TNPO3: variants seen among roughly 807,000 people sequenced by gnomAD.
TNPO3 encodes the protein transportin-3.
TNPO3 carries 65 observed loss-of-function variants against 122.8 expected under a neutral mutation model. That is an observed-to-expected ratio of 0.53 (90% confidence interval 0.43 to 0.65). The LOEUF is 0.65. TNPO3 is among the 30% of genes least tolerant of loss of function. TNPO3 has a pLI of 0.00. For missense variants in TNPO3, 850 were observed against 1,136.7 expected (o/e 0.75, Z 3.63); for synonymous variants, 372 against 411.2 (o/e 0.90, Z 1.15).
intron 21 of TNPO3, among the ~76,000 whole-genome samples, chr7:128,966,897 T>C (rs1797975439): frequency 6.6e-6 from 1 of 152,234 alleles, no homozygotes; most frequent in African/African-American, 2.4e-5. Context: ...CATCACTTTC[T>C]GATGTTTTAT....
chr7:128,993,057 T>C lies in TNPO3; in HGVS notation c.1266+750A>G, dbSNP rs115037382. Among the ~76,000 whole-genome samples the C allele has an allele frequency of 1.5e-3, 234 of 151,634 alleles. 1 individual carries two copies. The highest frequency in any genetic ancestry group is 5.5e-3 in the African/African-American group (226 of 41,276). On this transcript the variant is annotated intron_variant, in intron 9 of 22. Coordinates refer to ENST00000265388, the MANE Select transcript of TNPO3 (RefSeq NM_012470.4). ...GTCAATAAGCATGCTTTGCTTAATA[T>C]AATGAAAATAGTTATACTTTTATTA...
chr7:128,975,708 C>G (rs1798981731), intron 17 of TNPO3, 111 bp downstream of exon 17: 1 of 715,214 alleles, frequency 1.4e-6, no homozygotes, highest in African/African-American at 1.8e-5. Context: ...ATCAACATGC[C>G]TGGGGGAAAA....
chr7:129,021,998 C>T (rs1804573911), intron 1 of TNPO3, among the ~76,000 whole-genome samples: 1 of 151,788 alleles, frequency 6.6e-6, no homozygotes, highest in African/African-American at 2.4e-5. Flanking sequence ...AAATATTGAA[C>T]ATAGGCAAAT....
chr7:128,992,155 CA>C, intron 9 of TNPO3, 65 bp from the exon 10 acceptor site: 5 of 884,410 alleles, frequency 5.7e-6, no homozygotes, highest in Non-Finnish European at 3.5e-6. Flanking sequence ...ACAAACAAAA[CA>C]AAAAATCCAG....
chr7:129,023,519 TAC>T (rs2150460870), intron 1 of TNPO3, among the ~76,000 whole-genome samples: 1 of 152,128 alleles, frequency 6.6e-6, no homozygotes, highest in East Asian at 1.9e-4. Flanking sequence ...CAATATTAAA[TAC>T]ACAAGATGGG....
chr7:129,023,014 T>G (rs756908690), intron 1 of TNPO3, among the ~76,000 whole-genome samples: 18 of 152,160 alleles, frequency 1.2e-4, no homozygotes, highest in Non-Finnish European at 2.2e-4. Context: ...AGATACAGTG[T>G]GGAAGAAAGG....
chr7:129,015,505 T>C (rs1364153204), intron 3 of TNPO3, among the ~76,000 whole-genome samples: 2 of 152,194 alleles, frequency 1.3e-5, no homozygotes, highest in African/African-American at 2.4e-5. Flanking sequence ...AAGGAAACTC[T>C]ACATAGCCAA....
chr7:129,054,101 G>C (rs1396085683), intron 1 of TNPO3, among the ~76,000 whole-genome samples: 2 of 152,182 alleles, frequency 1.3e-5, no homozygotes, highest in African/African-American at 4.8e-5. Flanking sequence ...TTCATATTAT[G>C]TTGCCACTCC....
chr7:129,020,612 G>T (rs1000248814), intron 1 of TNPO3, among the ~76,000 whole-genome samples: 3 of 151,952 alleles, frequency 2.0e-5, no homozygotes, highest in Non-Finnish European at 4.4e-5. Flanking sequence ...GCTAATTTTT[G>T]TATTTTTTTG....
intron 13 of TNPO3, among the ~76,000 whole-genome samples, chr7:128,982,997 A>G (rs1194651683): frequency 6.6e-6 from 1 of 152,232 alleles, no homozygotes; most frequent in African/African-American, 2.4e-5. Flanking sequence ...ATGATTACCA[A>G]TGTAAACTAA....
At chr7:129,040,325 C>T (rs765894787) in intron 1 of TNPO3, among the ~76,000 whole-genome samples, 8 of 149,880 alleles carry the variant, frequency 5.3e-5, no homozygotes, top group African/African-American at 9.8e-5. Flanking sequence ...AACCATTAAA[C>T]GGTATACTTT....
At chr7:128,957,035 T>C (rs1477712159) in intron 22 of TNPO3, among the ~76,000 whole-genome samples, 189 bp downstream of exon 22, 1 of 152,232 alleles carries the variant, frequency 6.6e-6, no homozygotes, top group Non-Finnish European at 1.5e-5. Context: ...TGACAATTAC[T>C]GGCTGCCCAG....
chr7:128,998,096 C>T (rs899749810), intron 7 of TNPO3, among the ~76,000 whole-genome samples: 2 of 151,702 alleles, frequency 1.3e-5, no homozygotes, highest in Non-Finnish European at 2.9e-5. Flanking sequence ...AATCCTCCCA[C>T]CTAGGTCTCC....
intron 21 of TNPO3, among the ~76,000 whole-genome samples, chr7:128,958,659 T>C (rs986995438): frequency 6.6e-6 from 1 of 152,206 alleles, no homozygotes; most frequent in Non-Finnish European, 1.5e-5. Flanking sequence ...GATTTCCCCA[T>C]CCATTGTAAG....
chr7:128,979,841 T>C (rs1057199347), intron 15 of TNPO3, 130 bp downstream of exon 15: 20 of 822,784 alleles, frequency 2.4e-5, no homozygotes, highest in Non-Finnish European at 3.9e-5. Context: ...CCTCATTTCA[T>C]TGAAACCACA....
chr7:128,981,013 G>A (rs1799576406), intron 14 of TNPO3, among the ~76,000 whole-genome samples: 1 of 152,034 alleles, frequency 6.6e-6, no homozygotes, highest in Non-Finnish European at 1.5e-5. Flanking sequence ...CTACTTTAAA[G>A]GAAAGCTACT....
chr7:129,049,146 G>A (rs553107364), intron 1 of TNPO3, among the ~76,000 whole-genome samples: 36 of 152,270 alleles, frequency 2.4e-4, no homozygotes, highest in African/African-American at 8.7e-4. Flanking sequence ...TTGGGAAAGG[G>A]TAAAAGCAGA....
chr7:129,004,407 A>C (rs1802348058), intron 5 of TNPO3, among the ~76,000 whole-genome samples: 1 of 152,206 alleles, frequency 6.6e-6, no homozygotes, highest in Non-Finnish European at 1.5e-5. Flanking sequence ...ATCTTATTCT[A>C]ATCACTCCCT....
At chr7:128,998,769 C>T (rs1801611158) in intron 7 of TNPO3, among the ~76,000 whole-genome samples, 1 of 152,152 alleles carries the variant, frequency 6.6e-6, no homozygotes, top group Admixed American at 6.5e-5. Flanking sequence ...AGCAATCCTC[C>T]CACCTCAGCC....
Sources: gnomAD v4.1 joint callset for allele counts (sites outside exome capture counted in the v4.1 genomes callset) on GRCh38, gnomAD v4.1.1 for gene constraint, MANE v1.5 for transcripts, NCBI Gene and HGNC (gene_info 2026-07-23, HGNC 2026-07-21) for gene names.